TMPRSS12: variants seen among roughly 807,000 people sequenced by gnomAD.
TMPRSS12 encodes the protein transmembrane serine protease 12.
TMPRSS12 carries 25 observed loss-of-function variants against 26.0 expected under a neutral mutation model. The ratio of observed to expected loss-of-function variants is 0.96; its 90% CI spans 0.70 to 1.34. TMPRSS12 has a LOEUF of 1.34. Ranked by LOEUF, TMPRSS12 falls within the 40% of genes most tolerant of loss-of-function variation. TMPRSS12 has a pLI of 0.00. For missense variants in TMPRSS12, 441 were observed against 440.1 expected (o/e 1.00, Z -0.02); for synonymous variants, 150 against 161.7 (o/e 0.93, Z 0.55).
chr12:50,864,625 G>C (rs1004219421), intron 3 of TMPRSS12, among the ~76,000 whole-genome samples: 3 of 152,124 alleles, frequency 2.0e-5, no homozygotes, highest in African/African-American at 7.2e-5. Flanking sequence ...GAACTAAAAG[G>C]TAGAATTAAA....
chr12:50,872,516 T>G (rs77787475), intron 3 of TMPRSS12, among the ~76,000 whole-genome samples: 15,845 of 68,096 alleles, frequency 0.23, 2,045 homozygotes, highest in East Asian at 0.53. Flanking sequence ...CGAGACTCCG[T>G]CTCAAAAAAA....
intron 3 of TMPRSS12, among the ~76,000 whole-genome samples, chr12:50,882,893 T>C (rs1218245409): frequency 6.6e-6 from 1 of 152,216 alleles, no homozygotes; most frequent in Non-Finnish European, 1.5e-5. Flanking sequence ...GGAAGGAATA[T>C]ACTCCAGCTC....
In TMPRSS12 at chr12:50,843,858, G is replaced by A. The variant is rs767943254; in HGVS notation, c.204G>A (p.Pro68=). ...TATTTTTAGATTGTGGAACAGCACC[G>A]CTTAAGGATGTGTTGCAAGGGTCTC... The part of the protein sequence containing the change: ...GAHAEDCGTA[P]LKDVLQGSRI... The change falls in exon 2 of 5, where the codon CCG becomes CCA. Residue 68 remains proline, a synonymous_variant. Coordinates refer to ENST00000398458, the MANE Select transcript of TMPRSS12 (RefSeq NM_182559.3). 3.7e-5 allele frequency: 57 copies of A among 1,555,164 alleles called. No homozygotes were observed. The Middle Eastern group carries it at 7.7e-4, about 21-fold the overall frequency.
chr12:50,851,610 G>A (rs114236400), intron 2 of TMPRSS12, among the ~76,000 whole-genome samples: 1,699 of 152,224 alleles, frequency 0.011, 24 homozygotes, highest in African/African-American at 0.039. Flanking sequence ...CAAGAAACTT[G>A]GAAAACCTAT....
intron 3 of TMPRSS12, among the ~76,000 whole-genome samples, chr12:50,868,707 C>A (rs1938014595): frequency 2.6e-5 from 4 of 152,130 alleles, no homozygotes; most frequent in Admixed American, 2.6e-4. Flanking sequence ...TTCTATTCAA[C>A]ACTGCATGGA....
rs182389850 is a variant in TMPRSS12 at position 50,876,368 on chromosome 12, C to T, written c.653-8878C>T. On this transcript the variant is annotated intron_variant, in intron 3 of 4. Transcript: ENST00000398458. ...CTCAAAGAACTTAAACCAGAATCACCGCTGCACCCAGCAATCCTATTACTC... is the reference window on the plus strand; with the variant it reads ...CTCAAAGAACTTAAACCAGAATCACTGCTGCACCCAGCAATCCTATTACTC... Among the ~76,000 whole-genome samples the T allele has an allele frequency of 2.3e-3, 356 of 152,294 alleles. 5 individuals are homozygous for T. Among genetic ancestry groups the T allele is most frequent in the African/African-American group, 7.5e-3 (313 of 41,572 alleles).
At chr12:50,852,020 G>A (rs1051685832) in intron 2 of TMPRSS12, among the ~76,000 whole-genome samples, 1 of 152,096 alleles carries the variant, frequency 6.6e-6, no homozygotes, top group Non-Finnish European at 1.5e-5. Context: ...ATTACCACCA[G>A]ACCTGCCTTA....
chr12:50,869,867 G>C lies in TMPRSS12; in HGVS notation c.652+10814G>C, dbSNP rs937996139. Among the ~76,000 whole-genome samples the C allele has an allele frequency of 3.9e-5, 6 of 152,216 alleles. No homozygotes were observed. The East Asian group carries it at 1.2e-3, about 29-fold the overall frequency. ...GAAGGCCAAGGTGGGCAGATCACCT[G>C]AGGTCAGGAGTTTGAGACCAGCCTG... is the stretch of plus-strand genomic sequence containing the variant. On this transcript the variant is annotated intron_variant, in intron 3 of 4. Transcript: ENST00000398458.
chr12:50,867,241 A>G (rs911297358), intron 3 of TMPRSS12, among the ~76,000 whole-genome samples: 1 of 152,268 alleles, frequency 6.6e-6, no homozygotes, highest in African/African-American at 2.4e-5. Context: ...AACTGGTACA[A>G]GAAGTGGAGG....
chr12:50,885,118 T>C, intron 3 of TMPRSS12, 128 bp from the exon 4 acceptor site: 1 of 763,292 alleles, frequency 1.3e-6, no homozygotes, highest in African/African-American at 1.8e-5. Context: ...TTCATACACA[T>C]ATATATGAAT....
chr12:50,875,463 C>T (rs1160871188), intron 3 of TMPRSS12, among the ~76,000 whole-genome samples: 1 of 120,110 alleles, frequency 8.3e-6, no homozygotes, highest in Non-Finnish European at 1.6e-5. Context: ...GTACTCAAGC[C>T]TGGGCGACAG....
At chr12:50,852,250 T>G (rs1937832804) in intron 2 of TMPRSS12, among the ~76,000 whole-genome samples, 1 of 152,236 alleles carries the variant, frequency 6.6e-6, no homozygotes, top group Middle Eastern at 3.4e-3. Flanking sequence ...GAGTGGCAAG[T>G]TGGATAAAAA....
At chr12:50,878,908 C>T (rs191383535) in intron 3 of TMPRSS12, among the ~76,000 whole-genome samples, 5 of 152,288 alleles carry the variant, frequency 3.3e-5, no homozygotes, top group Admixed American at 2.0e-4. Flanking sequence ...CTCTCATCAG[C>T]GAGATTAGTG....
rs1339398435 is a variant in TMPRSS12, at chr12:50,872,703, A to G, written c.653-12543A>G. On this transcript the variant is annotated intron_variant, in intron 3 of 4. Transcript: ENST00000398458. ...ACGTATATGCACATATATATGACGT[A>G]TATGTGTACATATATATGACGTATA... Among the ~76,000 whole-genome samples the G allele has an allele frequency of 2.9e-5, 3 of 103,746 alleles. 1 individual carries two copies. Among genetic ancestry groups the G allele is most frequent in the Non-Finnish European group, 6.3e-5 (3 of 47,654 alleles). 68.1% of individuals were successfully genotyped at this position (103,746 alleles called of 152,430 possible).
At chr12:50,866,481 C>A (rs1344791355) in intron 3 of TMPRSS12, among the ~76,000 whole-genome samples, 2 of 152,052 alleles carry the variant, frequency 1.3e-5, no homozygotes, top group East Asian at 3.9e-4. Flanking sequence ...GCAAGACCCA[C>A]CCAAGGAGAG....
intron 3 of TMPRSS12, among the ~76,000 whole-genome samples, chr12:50,876,315 G>C (rs1264427510): frequency 2.0e-5 from 3 of 152,198 alleles, no homozygotes; most frequent in Admixed American, 2.0e-4. Context: ...AATTAGTTCA[G>C]CTTCTGTGGA....
chr12:50,871,151 CA>C (rs1477089693), intron 3 of TMPRSS12, among the ~76,000 whole-genome samples: 1 of 151,996 alleles, frequency 6.6e-6, no homozygotes, highest in Non-Finnish European at 1.5e-5. Context: ...CAAGATTAAG[CA>C]AAAAGAACAA....
intron 3 of TMPRSS12, among the ~76,000 whole-genome samples, chr12:50,881,145 C>G (rs1489964049): frequency 6.6e-6 from 1 of 151,804 alleles, no homozygotes; most frequent in Non-Finnish European, 1.5e-5. Flanking sequence ...CCATGCCTGG[C>G]TAATTTTTTA....
At chr12:50,856,902 G>T (rs1436485271) in intron 2 of TMPRSS12, among the ~76,000 whole-genome samples, 1 of 151,982 alleles carries the variant, frequency 6.6e-6, no homozygotes, top group Non-Finnish European at 1.5e-5. Flanking sequence ...GTTGCCCAGG[G>T]TGGGCTCAAA....
Sources: gnomAD v4.1 joint callset for allele counts (sites outside exome capture counted in the v4.1 genomes callset) on GRCh38, gnomAD v4.1.1 for gene constraint, MANE v1.5 for transcripts, NCBI Gene and HGNC (gene_info 2026-07-23, HGNC 2026-07-21) for gene names.